The following ANXA4 variants were observed in gnomAD, a reference collection of about 807,000 sequenced individuals.
The protein encoded by ANXA4 is annexin A4.
In ANXA4, 39 loss-of-function variants were observed where a neutral mutation model predicts 49.8. The observed-to-expected ratio is 0.78, with a 90% CI of 0.61 to 1.02. ANXA4 has a LOEUF of 1.02. ANXA4 is among the 50% of genes least tolerant of loss of function. ANXA4 has a pLI of 0.00. For missense variants in ANXA4, 360 were observed against 410.1 expected (o/e 0.88, Z 1.05); for synonymous variants, 134 against 152.5 (o/e 0.88, Z 0.89).
rs1352812682 is a variant in ANXA4, at chr2:69,820,837, C to CT, written c.906+17dup. 1.2e-6 allele frequency: 2 copies of CT among 1,612,930 alleles called. No individual in the cohort carries two copies. Among genetic ancestry groups the CT allele is most frequent in the Non-Finnish European group, 1.7e-6 (2 of 1,179,474 alleles). ...GTTCATCAAGGTAGGTCACAGCAGC[C>CT]TAAGTCCAGAGTAAAGGATCCAGAA... On this transcript the variant is annotated intron_variant, in intron 12 of 12. Coordinates refer to ENST00000394295, the MANE Select transcript of ANXA4 (RefSeq NM_001153.5).
chr2:69,810,603 G>T lies in ANXA4; in HGVS notation c.407G>T (p.Arg136Leu). The stretch of plus-strand genomic sequence containing the variant: ...TTCACTCTCTTGCTAGAATATGGAC[G>T]GAGCCTTGAAGATGACATTCGCTCT... ...ISQTYQQQYG[R>L]SLEDDIRSDT... Residue 136 changes from arginine to leucine, a missense_variant, in exon 7 of 13, where the codon CGG becomes CTG. Arg to Leu is a moderately radical substitution (Grantham distance 102). Coordinates refer to ENST00000394295, the MANE Select transcript of ANXA4 (RefSeq NM_001153.5). The T allele has an allele frequency of 6.2e-7, 1 of 1,613,846 alleles. No individual in the cohort carries two copies. Among genetic ancestry groups the T allele is most frequent in the Non-Finnish European group, 8.5e-7 (1 of 1,179,784 alleles).
chr2:69,781,299 G>A (rs529178512), intron 1 of ANXA4: 1 of 580,168 alleles, frequency 1.7e-6, no homozygotes, highest in East Asian at 2.9e-5. Flanking sequence ...CAGAAGAACA[G>A]GTGGGAAAAT....
intron 2 of ANXA4, among the ~76,000 whole-genome samples, chr2:69,715,973 C>G (rs1347429507): frequency 6.6e-6 from 1 of 152,162 alleles, no homozygotes; most frequent in African/African-American, 2.4e-5. Context: ...GTGCTGGGCA[C>G]ACGTCACCAG....
intron 2 of ANXA4, among the ~76,000 whole-genome samples, chr2:69,657,142 C>T (rs1461113493): frequency 5.3e-5 from 8 of 151,468 alleles, no homozygotes; most frequent in African/African-American, 1.7e-4. Flanking sequence ...TTACAGGCAC[C>T]CGCCACCATG....
intron 3 of ANXA4, among the ~76,000 whole-genome samples, chr2:69,790,368 A>C (rs1441291984): frequency 6.6e-6 from 1 of 152,020 alleles, no homozygotes; most frequent in East Asian, 1.9e-4. Flanking sequence ...GGTTGATTTA[A>C]GGGTCCCTCG....
chr2:69,745,630 A>C (rs997195938), intron 1 of ANXA4, among the ~76,000 whole-genome samples: 1 of 151,828 alleles, frequency 6.6e-6, no homozygotes, highest in African/African-American at 2.4e-5. Flanking sequence ...TCCCAGGTTC[A>C]AGCGATTCTC....
At chr2:69,731,763 T>C (rs544547852) in intron 3 of ANXA4, among the ~76,000 whole-genome samples, 46 of 152,186 alleles carry the variant, frequency 3.0e-4, no homozygotes, top group Non-Finnish European at 6.3e-4. Flanking sequence ...AAATGCATTA[T>C]TTGACTGTCA....
upstream of ANXA4, among the ~76,000 whole-genome samples, chr2:69,741,477 G>A (rs182984331): frequency 4.4e-3 from 669 of 152,382 alleles, 3 homozygotes; most frequent in South Asian, 0.011. Flanking sequence ...ATCCGGGGCT[G>A]CTCCTAACTC....
At chr2:69,794,844 T>C (rs1456674728) in intron 3 of ANXA4, among the ~76,000 whole-genome samples, 1 of 152,186 alleles carries the variant, frequency 6.6e-6, no homozygotes, top group Non-Finnish European at 1.5e-5. Flanking sequence ...GGGGTGAGTT[T>C]TAACTGTTTG....
At chr2:69,762,031 A>G (rs925360267) in intron 1 of ANXA4, among the ~76,000 whole-genome samples, 2 of 152,248 alleles carry the variant, frequency 1.3e-5, no homozygotes, top group African/African-American at 4.8e-5. Flanking sequence ...CAATGGTTGA[A>G]CAATGTAGCC....
intron 2 of ANXA4, among the ~76,000 whole-genome samples, chr2:69,660,448 A>T (rs1469560585): frequency 6.6e-6 from 1 of 152,174 alleles, no homozygotes; most frequent in Non-Finnish European, 1.5e-5. Context: ...AAAATCACCC[A>T]TAAGCTCAGT....
At position 69,820,679 on chromosome 2, in the gene ANXA4, G is replaced by A; in HGVS notation, c.784-20G>A. The A allele has an allele frequency of 6.2e-7, 1 of 1,612,840 alleles. No individual in the cohort carries two copies. Among genetic ancestry groups the A allele is most frequent in the Non-Finnish European group, 8.5e-7 (1 of 1,179,536 alleles). ...ACAGCTAGGTTTTTGTATATGTTTG[G>A]ATTTCGTTTTCTTCCTTAGGGCTTG... On this transcript the variant is annotated intron_variant, in intron 11 of 12. Coordinates refer to ENST00000394295, the MANE Select transcript of ANXA4 (RefSeq NM_001153.5).
intron 3 of ANXA4, among the ~76,000 whole-genome samples, chr2:69,721,686 G>A (rs578178531): frequency 6.6e-6 from 1 of 151,434 alleles, no homozygotes; most frequent in Non-Finnish European, 1.5e-5. Flanking sequence ...GCAACAGAGT[G>A]AGACCGTCTC....
intron 2 of ANXA4, among the ~76,000 whole-genome samples, chr2:69,689,387 C>A (rs1051420942): frequency 1.3e-5 from 2 of 151,994 alleles, no homozygotes; most frequent in Non-Finnish European, 2.9e-5. Context: ...CATGACCAGC[C>A]CATATGACAT....
intron 2 of ANXA4, among the ~76,000 whole-genome samples, chr2:69,707,175 T>C (rs779434581): frequency 1.1e-4 from 16 of 152,226 alleles, no homozygotes; most frequent in Non-Finnish European, 1.6e-4. Flanking sequence ...TTGTATAAGA[T>C]AGGAAATATT....
chr2:69,778,454 G>T (rs772019967), intron 1 of ANXA4, among the ~76,000 whole-genome samples: 1 of 152,132 alleles, frequency 6.6e-6, no homozygotes, highest in African/African-American at 2.4e-5. Flanking sequence ...GTCAGAAAAG[G>T]CCTGGTTGAT....
At chr2:69,679,019 G>T (rs996567143) in intron 2 of ANXA4, among the ~76,000 whole-genome samples, 1 of 151,980 alleles carries the variant, frequency 6.6e-6, no homozygotes, top group Non-Finnish European at 1.5e-5. Flanking sequence ...TTAACCCTCT[G>T]TCAGGTCTGC....
intron 8 of ANXA4, chr2:69,815,850 T>G: frequency 2.3e-6 from 1 of 443,220 alleles, no homozygotes; most frequent in Admixed American, 3.5e-5. Context: ...GCTCTTAAGA[T>G]AGAACCATGT....
intron 3 of ANXA4, among the ~76,000 whole-genome samples, chr2:69,733,741 T>C (rs1197438431): frequency 6.6e-6 from 1 of 152,218 alleles, no homozygotes; most frequent in Non-Finnish European, 1.5e-5. Flanking sequence ...TGGCCTGTTT[T>C]AATCTATGAA....
Sources: gnomAD v4.1 joint callset for allele counts (sites outside exome capture counted in the v4.1 genomes callset) on GRCh38, gnomAD v4.1.1 for gene constraint, MANE v1.5 for transcripts, NCBI Gene and HGNC (gene_info 2026-07-23, HGNC 2026-07-21) for gene names.